PTPN11: variants seen among roughly 807,000 people sequenced by gnomAD.
PTPN11 encodes tyrosine-protein phosphatase non-receptor type 11.
PTPN11 carries 6 observed loss-of-function variants against 78.8 expected under a neutral mutation model. The observed-to-expected ratio is 0.08, with a 90% CI of 0.04 to 0.15. The LOEUF is 0.15. Among genes scored for constraint, PTPN11 ranks in the 10% least tolerant of loss-of-function variants. PTPN11 has a pLI of 1.00. For synonymous variants in PTPN11, 221 were observed against 263.5 expected (o/e 0.84, Z 1.56); for missense variants, 386 against 744.8 (o/e 0.52, Z 5.61).
At chr12:112,445,556 C>A (rs756789638) in intron 1 of PTPN11, among the ~76,000 whole-genome samples, 19 of 152,292 alleles carry the variant, frequency 1.2e-4, no homozygotes, top group Middle Eastern at 6.8e-3. Context: ...GGCTTTCTCC[C>A]TTCTCATATT....
rs150772642 is a variant in PTPN11, at chr12:112,469,579, A to T, written c.757-3365A>T. 4.6e-5 allele frequency among the ~76,000 whole-genome samples: 7 copies of T among 152,196 alleles called. No homozygotes were observed. The South Asian group carries it at 1.5e-3, about 32-fold the overall frequency. ...ACCCAGGCTGGAGTGCAGTGACACA[A>T]TCTCGGCTCACTGCAACCTCTGCTT... is the stretch of plus-strand genomic sequence containing the variant. On this transcript the variant is annotated intron_variant, in intron 6 of 15. Transcript: ENST00000351677.
intron 1 of PTPN11, among the ~76,000 whole-genome samples, chr12:112,440,563 CTTTTTTTTTTT>C (rs772805515): frequency 6.4e-4 from 58 of 90,714 alleles, no homozygotes; most frequent in Middle Eastern, 7.7e-3. Flanking sequence ...TGTGCCTGGC[CTTTTTTTTTTT>C]TTTTTTTTTT....
At chr12:112,476,141 T>A (rs546923657) in intron 7 of PTPN11, among the ~76,000 whole-genome samples, 3 of 152,222 alleles carry the variant, frequency 2.0e-5, no homozygotes, top group Admixed American at 1.3e-4. Context: ...TGACATCTGC[T>A]CAGGGGTCAG....
rs2135862868 is a variant in PTPN11 at position 112,450,473 on chromosome 12, T to C, written c.293T>C (p.Leu98Pro). ...LKEKNGDVIE[L>P]KYPLNCADPT... ...GAGAAGAATGGAGATGTCATTGAGC[T>C]TAAATATCCTCTGAACTGTGCAGAT... The change falls in exon 3 of 16, where the codon CTT (leucine) becomes CCT (proline). Residue 98 changes from leucine to proline, a missense_variant. By Grantham distance (98) the Leu-to-Pro change is moderately conservative (BLOSUM62 -3). Coordinates refer to ENST00000351677, the MANE Select transcript of PTPN11 (RefSeq NM_002834.5). 2 of 1,614,086 alleles carry C rather than the reference T, an allele frequency of 1.2e-6. No homozygotes were observed. The highest frequency in any genetic ancestry group is 1.7e-6 in the Non-Finnish European group (2 of 1,179,956).
intron 1 of PTPN11, among the ~76,000 whole-genome samples, chr12:112,436,424 G>A (rs1403440694): frequency 3.9e-5 from 6 of 152,194 alleles, no homozygotes; most frequent in African/African-American, 1.4e-4. Context: ...AAAAACCGAA[G>A]CAGAGAGATT....
chr12:112,472,778 G>A (rs2038439013), intron 6 of PTPN11, among the ~76,000 whole-genome samples, 166 bp from the exon 7 acceptor site: 1 of 152,172 alleles, frequency 6.6e-6, no homozygotes, highest in Non-Finnish European at 1.5e-5. Context: ...GGGGATTACA[G>A]GTGTAAGCCA....
chr12:112,455,040 G>C (rs1410106236), intron 5 of PTPN11, among the ~76,000 whole-genome samples: 6 of 151,554 alleles, frequency 4.0e-5, no homozygotes, highest in Admixed American at 4.0e-4. Flanking sequence ...GGCTGGTCTT[G>C]AATTCCCGAC....
chr12:112,461,288 C>T (rs568455709), intron 6 of PTPN11, among the ~76,000 whole-genome samples: 43 of 150,770 alleles, frequency 2.9e-4, no homozygotes, highest in Non-Finnish European at 5.9e-4. Context: ...AGCTTTTCAT[C>T]GCCGAGGGTT....
At chr12:112,481,922 T>C (rs2038601771) in intron 9 of PTPN11, 152 bp from the exon 10 acceptor site, 1 of 805,478 alleles carries the variant, frequency 1.2e-6, no homozygotes, top group African/African-American at 1.7e-5. Context: ...TTTGAACTCT[T>C]CTGTCCTTTT....
At position 112,504,930 on chromosome 12, in the gene PTPN11, T is replaced by A; in HGVS notation, c.*32+134T>A. The A allele has an allele frequency of 1.6e-6, 1 of 627,740 alleles. No homozygotes were observed. Among genetic ancestry groups the A allele is most frequent in the Non-Finnish European group, 2.9e-6 (1 of 348,412 alleles). The allele number at this position is 627,740 out of a possible 1,614,324, so 38.9% of individuals were successfully genotyped here. ...TTACAAACCAGGCTCCTTTTTCCTC[T>A]CCCTGTACTTCTTTTTCCAAGATGG... is the stretch of plus-strand genomic sequence containing the variant. On this transcript the variant is annotated intron_variant, in intron 15 of 15. Coordinates refer to ENST00000351677, the MANE Select transcript of PTPN11 (RefSeq NM_002834.5). The surrounding 1 kb of genome is among the most constrained non-coding windows in gnomAD (Gnocchi z 4.7).
At chr12:112,424,816 C>G (rs935692827) in intron 1 of PTPN11, among the ~76,000 whole-genome samples, 1 of 152,002 alleles carries the variant, frequency 6.6e-6, no homozygotes, top group Non-Finnish European at 1.5e-5. Flanking sequence ...TCTCCCACCT[C>G]AGCCTCCCGA....
At chr12:112,495,865 T>C (rs1257755463) in intron 13 of PTPN11, among the ~76,000 whole-genome samples, 1 of 152,130 alleles carries the variant, frequency 6.6e-6, no homozygotes, top group African/African-American at 2.4e-5. Context: ...AAGGGTTGTA[T>C]TGCTTTTGCA....
intron 6 of PTPN11, among the ~76,000 whole-genome samples, chr12:112,464,427 A>G (rs2038295492): frequency 6.6e-6 from 1 of 151,296 alleles, no homozygotes; most frequent in Non-Finnish European, 1.5e-5. Flanking sequence ...TTTTTATTTT[A>G]ATTTTTATTA....
intron 13 of PTPN11, among the ~76,000 whole-genome samples, chr12:112,500,366 A>G (rs1030601266): frequency 2.6e-5 from 4 of 152,222 alleles, no homozygotes; most frequent in Non-Finnish European, 5.9e-5. Flanking sequence ...TTCAGTGCTA[A>G]ACATTTACGA....
intron 1 of PTPN11, among the ~76,000 whole-genome samples, chr12:112,435,485 G>A (rs561864914): frequency 1.3e-5 from 2 of 152,212 alleles, no homozygotes; most frequent in Admixed American, 1.3e-4. Flanking sequence ...TAGATTGTGG[G>A]GGTCTAGGCT....
chr12:112,423,079 C>T (rs1594123548), intron 1 of PTPN11, among the ~76,000 whole-genome samples: 1 of 152,314 alleles, frequency 6.6e-6, no homozygotes, highest in East Asian at 1.9e-4. Flanking sequence ...GAAATGGATT[C>T]AGATGCCCTA....
chr12:112,485,089 C>T (rs1410000514), intron 10 of PTPN11, among the ~76,000 whole-genome samples: 1 of 151,746 alleles, frequency 6.6e-6, no homozygotes, highest in African/African-American at 2.4e-5. Context: ...GGCGAAACTC[C>T]TTCTCTACTA....
chr12:112,439,769 T>C (rs1163953447), intron 1 of PTPN11, among the ~76,000 whole-genome samples: 2 of 147,498 alleles, frequency 1.4e-5, no homozygotes, highest in African/African-American at 2.5e-5. Flanking sequence ...CATGCATGGC[T>C]GGATTGTCCT....
chr12:112,445,744 C>T (rs1024099117), intron 1 of PTPN11, among the ~76,000 whole-genome samples: 1 of 150,998 alleles, frequency 6.6e-6, no homozygotes, highest in African/African-American at 2.4e-5. Context: ...TGGGTTCAAG[C>T]GATTCTCCTG....
Sources: gnomAD v4.1 joint callset for allele counts (sites outside exome capture counted in the v4.1 genomes callset) on GRCh38, gnomAD v4.1.1 for gene constraint, Gnocchi (gnomAD v3.1) non-coding constraint, MANE v1.5 for transcripts, NCBI Gene and HGNC (gene_info 2026-07-23, HGNC 2026-07-21) for gene names.